Variants in EEA1 observed in about 807,000 individuals in gnomAD.
The protein encoded by EEA1 is early endosome antigen 1, 162kD.
EEA1 carries 111 observed loss-of-function variants against 209.2 expected under a neutral mutation model. The observed-to-expected ratio is 0.53, with a 90% CI of 0.45 to 0.62. The LOEUF (loss-of-function observed/expected upper bound fraction) is 0.62, where lower values mean the gene tolerates loss of function less well. Among genes scored for constraint, EEA1 ranks in the 20% least tolerant of loss-of-function variants. The probability of loss-of-function intolerance (pLI) is 0.00; values close to 1 mark genes in which losing one functional copy is unlikely to be tolerated. For missense variants in EEA1, 1,343 were observed against 1,530.8 expected (o/e 0.88, Z 2.05); for synonymous variants, 536 against 540.6 (o/e 0.99, Z 0.12).
intron 2 of EEA1, among the ~76,000 whole-genome samples, chr12:92,873,003 G>A (rs1254512149): frequency 6.6e-6 from 1 of 152,052 alleles, no homozygotes; most frequent in Non-Finnish European, 1.5e-5. Flanking sequence ...AAAGCATCAG[G>A]GAGAAAGTAA....
At chr12:92,886,017 T>C (rs1019397183) in intron 2 of EEA1, among the ~76,000 whole-genome samples, 1 of 151,972 alleles carries the variant, frequency 6.6e-6, no homozygotes, top group African/African-American at 2.4e-5. Flanking sequence ...ACGAGTGACA[T>C]CCAACAGAAA....
chr12:92,844,078 C>T (rs1877292188), intron 9 of EEA1, among the ~76,000 whole-genome samples: 1 of 152,056 alleles, frequency 6.6e-6, no homozygotes, highest in Non-Finnish European at 1.5e-5. Flanking sequence ...ACTGAAAGAT[C>T]AAACACTTGG....
chr12:92,832,634 T>C lies in EEA1; in HGVS notation c.1132A>G (p.Lys378Glu), dbSNP rs1876709976. The change falls in exon 11 of 29, where the codon AAA (lysine) becomes GAA (glutamate). Residue 378 changes from lysine (K) to glutamate (E), a missense_variant. Physicochemically the swap from Lys to Glu is moderately conservative, Grantham distance 56. Coordinates refer to ENST00000322349, the MANE Select transcript of EEA1 (RefSeq NM_003566.4). ...SEKGEATQKL[K>E]EELSEVETKY... ...GTCTCTACCTCAGATAATTCTTCTT[T>C]GAGCTTTTGAGTAGCTTCTCCTTTT... 1 of 1,614,088 alleles carries C rather than the reference T, an allele frequency of 6.2e-7. No individual in the cohort carries two copies.
At chr12:92,880,453 C>A (rs1423460666) in intron 2 of EEA1, among the ~76,000 whole-genome samples, 2 of 152,056 alleles carry the variant, frequency 1.3e-5, no homozygotes, top group East Asian at 1.9e-4. Context: ...TACACGCACA[C>A]GCCACAGTGC....
At chr12:92,857,369 T>A in intron 4 of EEA1, 29 bp from the exon 5 acceptor site, 1 of 1,562,690 alleles carries the variant, frequency 6.4e-7, no homozygotes, top group Non-Finnish European at 8.7e-7. Context: ...AATTAGTAAA[T>A]TTAAAAAGAG....
At position 92,917,284 on chromosome 12, in the gene EEA1, C is replaced by T. The variant is rs886105246; in HGVS notation, c.24+11759G>A. On this transcript the variant is annotated intron_variant, in intron 1 of 28. Coordinates refer to ENST00000322349, the MANE Select transcript of EEA1 (RefSeq NM_003566.4). ...CCTCGAGAAGAGCAACTCCAAGACA[C>T]ATAATTGTCAGATTCACCAAAGTTG... Among the ~76,000 whole-genome samples, 3 of 126,296 alleles carry T rather than the reference C, an allele frequency of 2.4e-5. No individual in the cohort carries two copies. In the South Asian group the frequency reaches 7.6e-4, roughly 32 times the overall value. 82.9% of individuals were successfully genotyped at this position (126,296 alleles called of 152,430 possible).
chr12:92,840,997 T>A (rs1468195574), intron 10 of EEA1, among the ~76,000 whole-genome samples: 1 of 152,158 alleles, frequency 6.6e-6, no homozygotes, highest in Admixed American at 6.5e-5. Context: ...TGGGACACAG[T>A]GAGAAGGCAC....
chr12:92,810,411 T>C (rs56802939), intron 17 of EEA1, among the ~76,000 whole-genome samples: 2,826 of 152,236 alleles, frequency 0.019, 96 homozygotes, highest in African/African-American at 0.063. Flanking sequence ...ATACTTCTGT[T>C]ATTTTTAACC....
intron 1 of EEA1, among the ~76,000 whole-genome samples, chr12:92,924,459 T>A (rs909589462): frequency 6.6e-6 from 1 of 152,092 alleles, no homozygotes; most frequent in African/African-American, 2.4e-5. Flanking sequence ...TCCACCCACC[T>A]CAGCCTCCCA....
intron 10 of EEA1, among the ~76,000 whole-genome samples, chr12:92,841,895 C>T (rs917118430): frequency 1.3e-5 from 2 of 152,228 alleles, no homozygotes; most frequent in South Asian, 2.1e-4. Context: ...TTGAAAGCAA[C>T]GTGACAAAGA....
chr12:92,783,071 C>T (rs1873975900), intron 22 of EEA1, among the ~76,000 whole-genome samples: 1 of 152,186 alleles, frequency 6.6e-6, no homozygotes, highest in African/African-American at 2.4e-5. Context: ...TAAGTTTTCC[C>T]TGAGTTCTGT....
At chr12:92,814,468 A>T (rs953688435) in intron 15 of EEA1, among the ~76,000 whole-genome samples, 1 of 152,208 alleles carries the variant, frequency 6.6e-6, no homozygotes, top group East Asian at 1.9e-4. Context: ...ATCACTCATG[A>T]TCTTTTTTAT....
At chr12:92,777,077 A>G (rs1410666167) in intron 27 of EEA1, 135 bp from the exon 28 acceptor site, 3 of 742,806 alleles carry the variant, frequency 4.0e-6, no homozygotes, top group Non-Finnish European at 6.5e-6. Flanking sequence ...AAAATCAGAA[A>G]TACACTGGTC....
intron 1 of EEA1, among the ~76,000 whole-genome samples, chr12:92,908,301 T>C (rs1456427843): frequency 1.3e-5 from 2 of 152,214 alleles, no homozygotes; most frequent in Non-Finnish European, 1.5e-5. Flanking sequence ...GGAAGTGGAA[T>C]TGTGGTTACA....
chr12:92,897,884 T>C (rs558033173), intron 1 of EEA1, among the ~76,000 whole-genome samples: 3 of 152,208 alleles, frequency 2.0e-5, no homozygotes, highest in Admixed American at 1.3e-4. Context: ...CAATAAAATA[T>C]TTTTTAATTA....
chr12:92,864,786 T>C, intron 3 of EEA1, 74 bp downstream of exon 3: 1 of 1,349,956 alleles, frequency 7.4e-7, no homozygotes, highest in South Asian at 1.7e-5. Context: ...TTTCATAAGC[T>C]AATTAATCAT....
intron 2 of EEA1, among the ~76,000 whole-genome samples, chr12:92,871,787 A>G (rs1246997098): frequency 2.0e-5 from 3 of 152,172 alleles, no homozygotes; most frequent in Admixed American, 2.0e-4. Context: ...TTCAGTTAGA[A>G]TATTATTTTG....
intron 1 of EEA1, among the ~76,000 whole-genome samples, chr12:92,895,133 A>ATTTTTTTT (rs537064468): frequency 1.1e-5 from 1 of 95,118 alleles, no homozygotes; most frequent in Non-Finnish European, 2.0e-5. Flanking sequence ...GGATCACTGA[A>ATTTTTTTT]TTTTTTTTTT....
At chr12:92,788,107 T>C in intron 21 of EEA1, 58 bp from the exon 22 acceptor site, 14 of 1,380,752 alleles carry the variant, frequency 1.0e-5, no homozygotes, top group Non-Finnish European at 1.3e-5. Flanking sequence ...ATTACAAATA[T>C]AAAGTAAAAT....
Sources: gnomAD v4.1 joint callset for allele counts (sites outside exome capture counted in the v4.1 genomes callset) on GRCh38, gnomAD v4.1.1 for gene constraint, MANE v1.5 for transcripts, NCBI Gene and HGNC (gene_info 2026-07-23, HGNC 2026-07-21) for gene names.